COL10A1: variants seen among roughly 807,000 people sequenced by gnomAD.
COL10A1 encodes collagen type X alpha 1 chain.
COL10A1 carries 10 observed loss-of-function variants against 18.2 expected under a neutral mutation model. That is an observed-to-expected ratio of 0.55 (90% CI 0.34 to 0.93). COL10A1 has a LOEUF of 0.93. Ranked by LOEUF, COL10A1 falls within the 40% of genes least tolerant of loss-of-function variation. The pLI is 0.02. For synonymous variants in COL10A1, 330 were observed against 316.6 expected (o/e 1.04, Z -0.45); for missense variants, 897 against 853.5 (o/e 1.05, Z -0.64).
the COL10A1 span, among the ~76,000 whole-genome samples, chr6:116,208,509 T>C: frequency 1.3e-5 from 2 of 152,198 alleles, no homozygotes; most frequent in Admixed American, 6.5e-5. Context: ...TTCCTATTTC[T>C]TGCACAGTTA....
the COL10A1 span, among the ~76,000 whole-genome samples, chr6:116,211,937 G>A: frequency 4.6e-5 from 7 of 152,048 alleles, no homozygotes; most frequent in African/African-American, 1.7e-4. Flanking sequence ...AAGAGTATTG[G>A]GGTTTCATTC....
At chr6:116,170,170 G>A in the COL10A1 span, among the ~76,000 whole-genome samples, 1,324 of 152,270 alleles carry the variant, frequency 8.7e-3, 17 homozygotes, top group African/African-American at 0.03. Context: ...CATTCTGTCG[G>A]TTTTGCTGTG....
the COL10A1 span, among the ~76,000 whole-genome samples, chr6:116,164,856 G>A: frequency 6.6e-6 from 1 of 152,038 alleles, no homozygotes; most frequent in Non-Finnish European, 1.5e-5. Flanking sequence ...GGCCGAGGCA[G>A]GCAGATCATA....
At chr6:116,137,020 T>C (rs1162306736) in intron 1 of COL10A1, 2 of 178,476 alleles carry the variant, frequency 1.1e-5, no homozygotes, top group Non-Finnish European at 2.4e-5. Context: ...AAGCTGGGCC[T>C]TTCCACACCA....
the COL10A1 span, among the ~76,000 whole-genome samples, chr6:116,214,413 A>G: frequency 1.3e-5 from 2 of 152,158 alleles, no homozygotes; most frequent in African/African-American, 4.8e-5. Context: ...AATATGCATA[A>G]TCTGGTTTTG....
At chr6:116,175,083 T>G in the COL10A1 span, among the ~76,000 whole-genome samples, 1 of 152,156 alleles carries the variant, frequency 6.6e-6, no homozygotes, top group African/African-American at 2.4e-5. Flanking sequence ...CTTCAGAAAT[T>G]TAATTTTCTT....
rs1197969288 is a variant in COL10A1 at position 116,120,770 on chromosome 6, C to T, written c.1346G>A (p.Gly449Asp). 1.2e-6 allele frequency: 2 copies of T among 1,612,852 alleles called. No individual in the cohort carries two copies. The highest frequency in any genetic ancestry group is 1.1e-5 in the South Asian group (1 of 91,068). The part of the protein sequence containing the change: ...AGPRGAPGIP[G>D]TRGPIGPPGI... ...TGGTGGCCCAATAGGGCCTCTAGTA[C>T]CTGGTATTCCAGGGGCACCTCTTGG... The change falls in exon 3 of 3, where the codon GGT becomes GAT. Residue 449 changes from glycine (G) to aspartate (D), a missense_variant. Physicochemically the swap from Gly to Asp is moderately conservative, Grantham distance 94. Transcript: ENST00000651968.
At chr6:116,177,955 T>G in the COL10A1 span, among the ~76,000 whole-genome samples, 1 of 152,090 alleles carries the variant, frequency 6.6e-6, no homozygotes, top group Non-Finnish European at 1.5e-5. Flanking sequence ...TTTCATAGTA[T>G]AAAAATACCA....
At chr6:116,186,429 C>T in the COL10A1 span, among the ~76,000 whole-genome samples, 1 of 151,846 alleles carries the variant, frequency 6.6e-6, no homozygotes, top group South Asian at 2.1e-4. Context: ...AGATCTCTAG[C>T]AAGGCTGGGG....
chr6:116,174,436 T>C, the COL10A1 span, among the ~76,000 whole-genome samples: 2 of 152,228 alleles, frequency 1.3e-5, no homozygotes, highest in Non-Finnish European at 2.9e-5. Flanking sequence ...AAAGACGATA[T>C]GCATGATTAA....
At chr6:116,193,014 G>T in the COL10A1 span, among the ~76,000 whole-genome samples, 1 of 152,088 alleles carries the variant, frequency 6.6e-6, no homozygotes, top group African/African-American at 2.4e-5. Flanking sequence ...GTATTGTTGG[G>T]ATCACTTTTC....
At chr6:116,187,900 A>T in the COL10A1 span, among the ~76,000 whole-genome samples, 2 of 152,098 alleles carry the variant, frequency 1.3e-5, no homozygotes, top group East Asian at 3.9e-4. Context: ...ATAAAAAATT[A>T]CTAAGAACGA....
At chr6:116,172,906 G>A in the COL10A1 span, among the ~76,000 whole-genome samples, 1 of 152,000 alleles carries the variant, frequency 6.6e-6, no homozygotes, top group Non-Finnish European at 1.5e-5. Context: ...CTTTTTGCAG[G>A]CACTTTTCTA....
At chr6:116,155,644 A>G (rs985877139) in intron 1 of COL10A1, among the ~76,000 whole-genome samples, 6 of 152,026 alleles carry the variant, frequency 3.9e-5, no homozygotes, top group Non-Finnish European at 5.9e-5. Flanking sequence ...CTCCATTACA[A>G]CATAGGTTGT....
Position 116,121,489 on chromosome 6 carries a change from A to G in COL10A1, c.627T>C (p.Gly209=). 1 of 1,613,578 alleles carries G rather than the reference A, an allele frequency of 6.2e-7. No individual in the cohort carries two copies. The highest frequency in any genetic ancestry group is 8.5e-7 in the Non-Finnish European group (1 of 1,179,882). The change falls in exon 3 of 3, where the codon GGT becomes GGC. Residue 209 remains glycine (G), a synonymous_variant. Coordinates refer to ENST00000651968, the MANE Select transcript of COL10A1 (RefSeq NM_000493.4). ...CAGGAGGGCCAGATGGTCCTGTGGG[A>G]CCCTGAGGGCCTGGAAGACCCCTCT... is the stretch of plus-strand genomic sequence containing the variant. ...PGERGLPGPQ[G]PTGPSGPPGV...
upstream of COL10A1, among the ~76,000 whole-genome samples, chr6:116,127,711 T>C (rs1419144513): frequency 6.6e-5 from 10 of 152,150 alleles, no homozygotes; most frequent in African/African-American, 2.4e-4. Context: ...TTAAAATATA[T>C]ATTTTAATAT....
At chr6:116,205,449 T>A in the COL10A1 span, among the ~76,000 whole-genome samples, 1 of 144,684 alleles carries the variant, frequency 6.9e-6, no homozygotes, top group South Asian at 2.2e-4. Context: ...CTTAGAAAGA[T>A]AATTTCCCTG....
At chr6:116,208,845 G>A in the COL10A1 span, among the ~76,000 whole-genome samples, 1,771 of 152,098 alleles carry the variant, frequency 0.012, 14 homozygotes, top group Non-Finnish European at 0.018. Context: ...AGAGATGGCA[G>A]AGTAAAGAGA....
the COL10A1 span, among the ~76,000 whole-genome samples, chr6:116,205,343 TTA>T: frequency 0.024 from 3,666 of 152,110 alleles, 58 homozygotes; most frequent in South Asian, 0.05. Context: ...GACTTTTTTT[TTA>T]TGTTTCAAAA....
Sources: gnomAD v4.1 joint callset for allele counts (sites outside exome capture counted in the v4.1 genomes callset) on GRCh38, gnomAD v4.1.1 for gene constraint, MANE v1.5 for transcripts, NCBI Gene and HGNC (gene_info 2026-07-23, HGNC 2026-07-21) for gene names.